The following FAAH2 variants were observed in gnomAD, a reference collection of about 807,000 sequenced individuals.
The protein encoded by FAAH2 is fatty acid amide hydrolase 2.
A neutral mutation model predicts 36.9 loss-of-function variants in FAAH2; 60 were observed. The ratio of observed to expected loss-of-function variants is 1.63; its 90% CI spans 1.32 to 2.02. FAAH2 has a LOEUF of 2.02. Among genes scored for constraint, FAAH2 ranks in the 30% most tolerant of loss-of-function variants. The pLI, the probability that FAAH2 is intolerant of heterozygous loss-of-function variation, is 0.00. For missense variants in FAAH2, 689 were observed against 397.5 expected (o/e 1.73, Z -6.23); for synonymous variants, 214 against 143.8 (o/e 1.49, Z -3.49).
At chrX:57,123,041 T>A in the FAAH2 span, among the ~76,000 whole-genome samples, 4 of 111,448 alleles carry the variant, frequency 3.6e-5, no homozygotes, top group Non-Finnish European at 7.5e-5. Flanking sequence ...CTAGGGTACA[T>A]GTGCACAATG....
At chrX:57,461,888 A>G (rs1031778556) in intron 10 of FAAH2, among the ~76,000 whole-genome samples, 2 of 110,674 alleles carry the variant, frequency 1.8e-5, no homozygotes, top group African/African-American at 6.6e-5. Context: ...TTAACAAAAT[A>G]CATAGACCAC....
the FAAH2 span, among the ~76,000 whole-genome samples, chrX:57,235,645 T>C: frequency 8.9e-6 from 1 of 112,319 alleles, no homozygotes; most frequent in Non-Finnish European, 1.9e-5. Flanking sequence ...CTGCTGAAAA[T>C]TTGGGTGGGA....
At chrX:57,315,441 G>A (rs1233768843) in intron 3 of FAAH2, among the ~76,000 whole-genome samples, 1 of 111,129 alleles carries the variant, frequency 9.0e-6, no homozygotes, top group East Asian at 2.8e-4. Flanking sequence ...CAAAAATCTG[G>A]CAGAGACACA....
In FAAH2 at chrX:57,292,271, A is replaced by G. The variant is rs138297657; in HGVS notation, c.193-227A>G. ...GAGTTTATTCCTTTTATCCCTACTC[A>G]TTGTTTGGAACTTTCTTATACTGGT... is the stretch of plus-strand genomic sequence containing the variant. On this transcript the variant is annotated intron_variant, in intron 1 of 10. Coordinates refer to ENST00000374900, the MANE Select transcript of FAAH2 (RefSeq NM_174912.4). 4.8e-4 allele frequency among the ~76,000 whole-genome samples: 53 copies of G among 111,371 alleles called. No individual in the cohort carries two copies. The East Asian group carries it at 0.013, about 27-fold the overall frequency.
At chrX:57,192,772 T>C in the FAAH2 span, among the ~76,000 whole-genome samples, 5 of 112,202 alleles carry the variant, frequency 4.5e-5, no homozygotes, top group Admixed American at 2.8e-4. Context: ...CTTTTATTTC[T>C]TATGCCTGTC....
At chrX:57,299,825 G>C (rs1315724715) in intron 2 of FAAH2, among the ~76,000 whole-genome samples, 1 of 111,622 alleles carries the variant, frequency 9.0e-6, no homozygotes, top group Non-Finnish European at 1.9e-5. Context: ...GACAAACAGA[G>C]AGCCAAATCA....
chrX:57,208,771 G>T, the FAAH2 span, among the ~76,000 whole-genome samples: 1 of 112,080 alleles, frequency 8.9e-6, no homozygotes, highest in African/African-American at 3.2e-5. Flanking sequence ...GGGAAACAAA[G>T]GGATGGGCCA....
chrX:57,266,149 C>T, the FAAH2 span, among the ~76,000 whole-genome samples: 34 of 111,801 alleles, frequency 3.0e-4, no homozygotes, highest in Non-Finnish European at 5.5e-4. Context: ...TCCCATTCCT[C>T]CTGACTGAAC....
intron 2 of FAAH2, among the ~76,000 whole-genome samples, chrX:57,299,317 A>T (rs187854479): frequency 1.5e-3 from 165 of 112,319 alleles, no homozygotes; most frequent in Non-Finnish European, 8.3e-4. Context: ...AAACGAATAA[A>T]GTTAATTCAG....
chrX:57,274,823 G>A, the FAAH2 span, among the ~76,000 whole-genome samples: 1 of 111,798 alleles, frequency 8.9e-6, no homozygotes, highest in Non-Finnish European at 1.9e-5. Context: ...AAAACTGGAA[G>A]CATTTCCTTT....
chrX:57,487,887 C>T (rs2057504016), intron 10 of FAAH2, among the ~76,000 whole-genome samples: 1 of 111,536 alleles, frequency 9.0e-6, no homozygotes, highest in South Asian at 3.7e-4. Context: ...AAGTATTAGT[C>T]CAACTGTCCA....
rs73224070 is a variant in FAAH2 at position 57,407,518 on chromosome X, G to A, written c.997-24400G>A. On this transcript the variant is annotated intron_variant, in intron 7 of 10. Transcript: ENST00000374900. ...TCCATGGAACTCCAAGCTTTTTGGG[G>A]GCCAATCTCTGCCAGATTTTTGCTG... 6.9e-3 allele frequency among the ~76,000 whole-genome samples: 775 copies of A among 111,842 alleles called. 3 individuals are homozygous for A. Among genetic ancestry groups the A allele is most frequent in the Middle Eastern group, 0.014 (3 of 218 alleles).
upstream of FAAH2, among the ~76,000 whole-genome samples, chrX:57,283,237 T>A (rs2051770503): frequency 1.8e-5 from 2 of 111,417 alleles, no homozygotes; most frequent in South Asian, 7.6e-4. Flanking sequence ...GCACTACCAT[T>A]GCAGTGGCAG....
intron 4 of FAAH2, among the ~76,000 whole-genome samples, chrX:57,335,003 A>G (rs1465379977): frequency 8.9e-6 from 1 of 111,839 alleles, no homozygotes; most frequent in Non-Finnish European, 1.9e-5. Context: ...AGTGGACCTA[A>G]TAGATATCTA....
At chrX:57,248,336 A>T in the FAAH2 span, among the ~76,000 whole-genome samples, 1 of 112,169 alleles carries the variant, frequency 8.9e-6, no homozygotes, top group Non-Finnish European at 1.9e-5. Context: ...AGATACATAC[A>T]GGGAACACCT....
intron 10 of FAAH2, among the ~76,000 whole-genome samples, chrX:57,479,627 C>A (rs2057340287): frequency 9.0e-6 from 1 of 111,369 alleles, no homozygotes. Context: ...GTGGGTTTGT[C>A]ATAGATAGCT....
chrX:57,411,255 T>C (rs958930351), intron 7 of FAAH2, among the ~76,000 whole-genome samples: 11 of 112,188 alleles, frequency 9.8e-5, no homozygotes, highest in African/African-American at 3.6e-4. Flanking sequence ...CCCATTTATT[T>C]TCCCTAAAGC....
chrX:57,235,968 A>G, the FAAH2 span, among the ~76,000 whole-genome samples: 1 of 112,322 alleles, frequency 8.9e-6, no homozygotes, highest in African/African-American at 3.2e-5. Flanking sequence ...GGAACTTTGT[A>G]CCAATTGAGC....
chrX:57,257,179 A>G, the FAAH2 span, among the ~76,000 whole-genome samples: 1 of 112,238 alleles, frequency 8.9e-6, no homozygotes, highest in African/African-American at 3.2e-5. Context: ...TGACTTAGCA[A>G]TCCCATTATT....
Sources: gnomAD v4.1 joint callset for allele counts (sites outside exome capture counted in the v4.1 genomes callset) on GRCh38, gnomAD v4.1.1 for gene constraint, MANE v1.5 for transcripts, NCBI Gene and HGNC (gene_info 2026-07-23, HGNC 2026-07-21) for gene names.